SDK1: variants seen among roughly 807,000 people sequenced by gnomAD.
SDK1 encodes the protein protein sidekick-1.
Under a neutral mutation model 245.5 loss-of-function variants are expected in SDK1, and 157 were observed. The ratio of observed to expected loss-of-function variants is 0.64; its 90% CI spans 0.56 to 0.73. The LOEUF (loss-of-function observed/expected upper bound fraction) is 0.73. SDK1 is among the 30% of genes least tolerant of loss of function. SDK1 has a pLI of 0.00. For missense variants in SDK1, 3,583 were observed against 3,002.3 expected (o/e 1.19, Z -4.52); for synonymous variants, 1,647 against 1,278.5 (o/e 1.29, Z -6.15).
rs991248166 is a variant in SDK1, at chr7:3,403,836, TATATATATATA to T, written c.298+101953_298+101963del. Among the ~76,000 whole-genome samples the T allele has an allele frequency of 6.3e-5, 4 of 63,768 alleles. 1 individual carries two copies. The highest frequency in any genetic ancestry group is 2.2e-4 in the African/African-American group (3 of 13,916). 41.8% of individuals were successfully genotyped at this position (63,768 alleles called of 152,430 possible). Reference sequence around the variant, plus strand: ...TTGAAATATCTTACATATATATATATATATATATATATATATATATATATATATATATAATA... The same window carrying T: ...TTGAAATATCTTACATATATATATATTATATATATATATATATATATAATA... On this transcript the variant is annotated intron_variant, in intron 1 of 44. Coordinates refer to ENST00000404826, the MANE Select transcript of SDK1 (RefSeq NM_152744.4).
At chr7:3,756,065 C>A (rs900789713) in intron 4 of SDK1, among the ~76,000 whole-genome samples, 4 of 145,040 alleles carry the variant, frequency 2.8e-5, no homozygotes, top group African/African-American at 1.0e-4. Flanking sequence ...GGTTTTAAAT[C>A]TGACTCCTTT....
At chr7:3,726,689 T>C (rs10227277) in intron 4 of SDK1, among the ~76,000 whole-genome samples, 1,527 of 152,354 alleles carry the variant, frequency 0.01, 25 homozygotes, top group African/African-American at 0.035. Flanking sequence ...CATCAACCAC[T>C]GTGTTCTCTC....
At chr7:3,508,519 G>C (rs1342719856) in intron 1 of SDK1, among the ~76,000 whole-genome samples, 1 of 151,724 alleles carries the variant, frequency 6.6e-6, no homozygotes, top group Non-Finnish European at 1.5e-5. Context: ...GTAGAGATGG[G>C]GTTTTACCAT....
chr7:3,551,105 A>G (rs1779388468), intron 1 of SDK1, among the ~76,000 whole-genome samples: 1 of 152,152 alleles, frequency 6.6e-6, no homozygotes, highest in Non-Finnish European at 1.5e-5. Flanking sequence ...AAATTTTAAA[A>G]CATTTTTCGT....
intron 40 of SDK1, among the ~76,000 whole-genome samples, chr7:4,230,736 G>A (rs1785708832): frequency 6.6e-6 from 1 of 152,174 alleles, no homozygotes; most frequent in Non-Finnish European, 1.5e-5. Context: ...TGCTAAGCCT[G>A]ATGGTGTGAA....
chr7:3,699,011 G>T (rs1295019385), intron 4 of SDK1, among the ~76,000 whole-genome samples: 1 of 152,164 alleles, frequency 6.6e-6, no homozygotes, highest in East Asian at 1.9e-4. Flanking sequence ...AACCTGGGAG[G>T]AACAAGGAAT....
At chr7:4,116,390 C>T (rs117575920) in intron 25 of SDK1, among the ~76,000 whole-genome samples, 2,617 of 152,244 alleles carry the variant, frequency 0.017, 34 homozygotes, top group Non-Finnish European at 0.03. Flanking sequence ...CCCAGCACAC[C>T]GAGGGCACCA....
chr7:3,509,208 G>A (rs1047372901), intron 1 of SDK1, among the ~76,000 whole-genome samples: 3 of 152,140 alleles, frequency 2.0e-5, no homozygotes, highest in Non-Finnish European at 4.4e-5. Flanking sequence ...CTTACACAGT[G>A]ACTTGACCCC....
chr7:3,662,449 C>T (rs974942602), intron 4 of SDK1, among the ~76,000 whole-genome samples: 12 of 152,162 alleles, frequency 7.9e-5, no homozygotes. Flanking sequence ...AAACCCATGA[C>T]TGTAGACAAC....
At chr7:3,320,002 T>G (rs549330091) in intron 1 of SDK1, among the ~76,000 whole-genome samples, 11 of 151,682 alleles carry the variant, frequency 7.3e-5, no homozygotes, top group Non-Finnish European at 1.5e-4. Flanking sequence ...CCAAATAGAA[T>G]TGCCTGGATG....
At chr7:3,325,532 C>T (rs551828110) in intron 1 of SDK1, among the ~76,000 whole-genome samples, 29 of 152,132 alleles carry the variant, frequency 1.9e-4, no homozygotes, top group Admixed American at 5.2e-4. Context: ...AGCTCTTTTT[C>T]TGTAATCCTA....
chr7:3,741,571 C>A (rs1779475027), intron 4 of SDK1, among the ~76,000 whole-genome samples: 1 of 152,148 alleles, frequency 6.6e-6, no homozygotes, highest in South Asian at 2.1e-4. Context: ...CCCTAATTAA[C>A]TTTAATACTA....
At chr7:3,916,076 G>A (rs999929019) in intron 5 of SDK1, among the ~76,000 whole-genome samples, 13 of 152,158 alleles carry the variant, frequency 8.5e-5, no homozygotes, top group African/African-American at 2.9e-4. Flanking sequence ...AGGATCTATG[G>A]CCTGTGCTTT....
At chr7:3,637,922 G>C (rs917830178) in intron 2 of SDK1, among the ~76,000 whole-genome samples, 1 of 152,232 alleles carries the variant, frequency 6.6e-6, no homozygotes, top group African/African-American at 2.4e-5. Flanking sequence ...ATCTCATCCT[G>C]AAAGTGTTGT....
chr7:4,018,300 C>G (rs1297109780), intron 17 of SDK1, among the ~76,000 whole-genome samples: 1 of 152,242 alleles, frequency 6.6e-6, no homozygotes, highest in Non-Finnish European at 1.5e-5. Flanking sequence ...CTCCCCAAAT[C>G]ATGCCTGAGA....
intron 35 of SDK1, among the ~76,000 whole-genome samples, chr7:4,203,643 C>T (rs1472552246): frequency 6.6e-6 from 1 of 152,080 alleles, no homozygotes; most frequent in Admixed American, 6.5e-5. Flanking sequence ...TCCCAAACTG[C>T]ACACGCTTTA....
intron 44 of SDK1, among the ~76,000 whole-genome samples, chr7:4,263,562 G>A (rs1210345626): frequency 1.9e-4 from 13 of 69,996 alleles, no homozygotes; most frequent in East Asian, 3.2e-4. Context: ...TGGGGAGGCC[G>A]CGTAGACCTC....
At chr7:3,478,918 TTTC>T (rs1468370300) in intron 1 of SDK1, among the ~76,000 whole-genome samples, 17 of 152,216 alleles carry the variant, frequency 1.1e-4, no homozygotes, top group African/African-American at 3.9e-4. Flanking sequence ...AGCTTTATGA[TTTC>T]TTCTTTAATC....
intron 27 of SDK1, 66 bp downstream of exon 27, chr7:4,130,163 A>G: frequency 1.4e-6 from 2 of 1,427,616 alleles, no homozygotes; most frequent in Non-Finnish European, 1.9e-6. Flanking sequence ...CAATGCAAAC[A>G]ATTTGGATTG....
Sources: allele counts gnomAD v4.1 joint callset (sites outside exome capture counted in the v4.1 genomes callset), GRCh38; gene constraint gnomAD v4.1.1; transcripts MANE v1.5; gene names NCBI Gene and HGNC (gene_info 2026-07-23, HGNC 2026-07-21).